HOMER2: variants seen among roughly 807,000 people sequenced by gnomAD.
HOMER2 encodes the protein homer protein homolog 2.
Under a neutral mutation model 47.0 loss-of-function variants are expected in HOMER2, and 27 were observed. The ratio of observed to expected loss-of-function variants is 0.57; its 90% CI spans 0.42 to 0.79. The LOEUF (loss-of-function observed/expected upper bound fraction) is 0.79, where lower values mean the gene tolerates loss of function less well. HOMER2 is among the 30% of genes least tolerant of loss of function. HOMER2 has a pLI of 0.00. For missense variants in HOMER2, 443 were observed against 435.0 expected (o/e 1.02, Z -0.16); for synonymous variants, 161 against 163.8 (o/e 0.98, Z 0.13).
chr15:82,836,792 G>A (rs2051132224), downstream of HOMER2, among the ~76,000 whole-genome samples: 1 of 152,228 alleles, frequency 6.6e-6, no homozygotes, highest in Non-Finnish European at 1.5e-5. Context: ...CAGCCAGAAT[G>A]AGGAGGTTAT....
intron 1 of HOMER2, among the ~76,000 whole-genome samples, chr15:82,945,841 G>A (rs1374904856): frequency 6.6e-6 from 1 of 151,956 alleles, no homozygotes; most frequent in Non-Finnish European, 1.5e-5. Context: ...GTGGTGGCAG[G>A]CGCCTGTAGT....
downstream of HOMER2, chr15:82,844,503 T>C (rs921975903): frequency 1.3e-5 from 2 of 152,142 alleles, no homozygotes; most frequent in Admixed American, 6.5e-5. Flanking sequence ...ACAGTATGTA[T>C]AATATGATTA....
At chr15:82,892,933 A>C (rs1596327766) in intron 1 of HOMER2, 92 bp from the exon 2 acceptor site, 1 of 1,034,538 alleles carries the variant, frequency 9.7e-7, no homozygotes, top group East Asian at 2.5e-5. Flanking sequence ...AAAAGATTTT[A>C]AATAGCTTAT....
At chr15:82,928,392 T>C (rs905169404) in intron 1 of HOMER2, among the ~76,000 whole-genome samples, 1 of 152,224 alleles carries the variant, frequency 6.6e-6, no homozygotes, top group Non-Finnish European at 1.5e-5. Flanking sequence ...GGAAATGGAC[T>C]TTACCTGTTA....
chr15:82,895,668 G>A (rs1355124153), intron 1 of HOMER2, among the ~76,000 whole-genome samples: 3 of 152,208 alleles, frequency 2.0e-5, no homozygotes, highest in Admixed American at 6.5e-5. Context: ...GGGCCCACGG[G>A]TTAGAGAAGG....
chr15:82,935,121 C>T (rs1211834022), intron 1 of HOMER2, among the ~76,000 whole-genome samples: 2 of 152,212 alleles, frequency 1.3e-5, no homozygotes, highest in Non-Finnish European at 2.9e-5. Context: ...ACCTCGCCTG[C>T]TGCATCTCCT....
At chr15:82,952,275 G>A (rs1318108424) in intron 1 of HOMER2, among the ~76,000 whole-genome samples, 1 of 152,234 alleles carries the variant, frequency 6.6e-6, no homozygotes, top group African/African-American at 2.4e-5. Context: ...AGGTGCCCCC[G>A]TGCCCGGGCT....
chr15:82,865,630 G>A (rs2051941112), intron 3 of HOMER2, among the ~76,000 whole-genome samples: 1 of 152,238 alleles, frequency 6.6e-6, no homozygotes, highest in South Asian at 2.1e-4. Flanking sequence ...TAAGCCCTAT[G>A]ATATGGTTTG....
rs1433283222 is a variant in HOMER2 at position 82,913,123 on chromosome 15, A to C, written c.6-20282T>G. Reference sequence around the variant, plus strand: ...CCTTGGAAGTTACAAGCAAACCTGCAGATAGTGGGCAGGCCATATTTCAAA... The same window carrying C: ...CCTTGGAAGTTACAAGCAAACCTGCCGATAGTGGGCAGGCCATATTTCAAA... On this transcript the variant is annotated intron_variant, in intron 1 of 8. Transcript: ENST00000450735. The surrounding 1 kb of genome is among the most constrained non-coding windows in gnomAD (Gnocchi z 4.1). Among the ~76,000 whole-genome samples, 1 of 152,208 alleles carries C rather than the reference A, an allele frequency of 6.6e-6. No homozygotes were observed. The highest frequency in any genetic ancestry group is 1.5e-5 in the Non-Finnish European group (1 of 68,046).
At chr15:82,981,897 A>G (rs999590903) in intron 1 of HOMER2, among the ~76,000 whole-genome samples, 1 of 151,660 alleles carries the variant, frequency 6.6e-6, no homozygotes, top group Non-Finnish European at 1.5e-5. Context: ...TCAGTGTGAG[A>G]AGATGAAAAA....
chr15:82,923,030 C>G (rs1596357406), intron 1 of HOMER2, among the ~76,000 whole-genome samples: 2 of 152,190 alleles, frequency 1.3e-5, no homozygotes, highest in African/African-American at 4.8e-5. Flanking sequence ...ACTGGGTTCT[C>G]TCCCTGGATA....
intron 1 of HOMER2, among the ~76,000 whole-genome samples, chr15:82,969,094 G>T (rs1252406462): frequency 6.6e-6 from 1 of 152,188 alleles, no homozygotes; most frequent in Non-Finnish European, 1.5e-5. Flanking sequence ...AGAAGCAGAA[G>T]AATTATCCAT....
intron 1 of HOMER2, among the ~76,000 whole-genome samples, chr15:82,921,574 G>A (rs761468723): frequency 7.9e-5 from 12 of 152,130 alleles, no homozygotes; most frequent in African/African-American, 2.9e-4. Flanking sequence ...GAGTCCACTC[G>A]TCCCCCATCC....
chr15:82,950,714 C>G (rs1390722365), intron 1 of HOMER2, among the ~76,000 whole-genome samples: 1 of 152,148 alleles, frequency 6.6e-6, no homozygotes, highest in Non-Finnish European at 1.5e-5. Flanking sequence ...ATACATTTAT[C>G]GAATGATGTT....
chr15:82,919,121 A>G (rs990958067), intron 1 of HOMER2, among the ~76,000 whole-genome samples: 2 of 152,164 alleles, frequency 1.3e-5, no homozygotes, highest in Non-Finnish European at 2.9e-5. Flanking sequence ...GGTGCTGTAA[A>G]CATATTTTCC....
intron 3 of HOMER2, 46 bp from the exon 4 acceptor site, chr15:82,864,305 T>C: frequency 7.4e-7 from 1 of 1,348,194 alleles, no homozygotes; most frequent in Non-Finnish European, 1.1e-6. Context: ...ACCTCACTCA[T>C]GGCTGGTATT....
intron 1 of HOMER2, among the ~76,000 whole-genome samples, chr15:82,933,814 C>T (rs557206446): frequency 4.2e-4 from 64 of 152,294 alleles, no homozygotes; most frequent in African/African-American, 1.4e-3. Context: ...ACCTTCCACT[C>T]GAAATCCCCA....
intron 3 of HOMER2, among the ~76,000 whole-genome samples, chr15:82,873,848 G>T (rs566914934): frequency 6.6e-6 from 1 of 152,224 alleles, no homozygotes; most frequent in Non-Finnish European, 1.5e-5. Context: ...ACTGGGTATG[G>T]GATGGCCGGA....
intron 4 of HOMER2, among the ~76,000 whole-genome samples, chr15:82,863,000 C>A (rs1240242433): frequency 6.6e-6 from 1 of 152,110 alleles, no homozygotes; most frequent in Non-Finnish European, 1.5e-5. Context: ...TTGCTGGCTC[C>A]CATTTCATAA....
Sources: allele counts gnomAD v4.1 joint callset (sites outside exome capture counted in the v4.1 genomes callset), GRCh38; gene constraint gnomAD v4.1.1; non-coding constraint Gnocchi (gnomAD v3.1); transcripts MANE v1.5; gene names NCBI Gene and HGNC (gene_info 2026-07-23, HGNC 2026-07-21).